Variants in ZNF785 observed in about 807,000 individuals in gnomAD.
The protein encoded by ZNF785 is zinc finger protein 785.
ZNF785 carries 15 observed loss-of-function variants against 11.3 expected under a neutral mutation model. That is an observed-to-expected ratio of 1.32 (90% CI 0.89 to 2.04). The LOEUF (loss-of-function observed/expected upper bound fraction) is 2.04. Among genes scored for constraint, ZNF785 ranks in the 30% most tolerant of loss-of-function variants. The probability of loss-of-function intolerance (pLI) is 0.00; values close to 1 mark genes in which losing one functional copy is unlikely to be tolerated. For synonymous variants in ZNF785, 221 were observed against 231.0 expected (o/e 0.96, Z 0.39); for missense variants, 572 against 560.9 (o/e 1.02, Z -0.20).
rs748653060 is a variant in ZNF785 at position 30,585,296 on chromosome 16, G to C, written c.206-46C>G. 6.2e-7 allele frequency: 1 copy of C among 1,605,998 alleles called. No homozygotes were observed. Among genetic ancestry groups the C allele is most frequent in the Non-Finnish European group, 8.5e-7 (1 of 1,176,416 alleles). On this transcript the variant is annotated intron_variant, in intron 1 of 2. Coordinates refer to ENST00000395216, the MANE Select transcript of ZNF785 (RefSeq NM_152458.7). This position sits in a 1 kb window ranked among gnomAD's most constrained non-coding sequence, Gnocchi z 4.0. ...GCTCGGCTGAGCGCACGGGAGGGGA[G>C]AATGAGACTGCTCCCTCGGCGCCCC...
Position 30,585,035 on chromosome 16 carries a change from T to C in ZNF785, c.334+87A>G. ...GGGTGCAGGGAGACAGGATGGGACT[T>C]TGGAGGGGGCAGCCTGCGCTGAGGA... On this transcript the variant is annotated intron_variant, in intron 2 of 2. Coordinates refer to ENST00000395216, the MANE Select transcript of ZNF785 (RefSeq NM_152458.7). The surrounding 1 kb of genome is among the most constrained non-coding windows in gnomAD (Gnocchi z 4.0). The C allele has an allele frequency of 3.3e-6, 5 of 1,511,840 alleles. No homozygotes were observed. Among genetic ancestry groups the C allele is most frequent in the Non-Finnish European group, 4.4e-6 (5 of 1,124,294 alleles). 93.7% of individuals were successfully genotyped at this position (1,511,840 alleles called of 1,614,324 possible). A position where few individuals can be genotyped will look rare whatever the true frequency, so the allele number is the denominator to read the frequency against.
rs375691538 is a variant in ZNF785, at chr16:30,585,300, G to A, written c.206-50C>T. Reference sequence around the variant, plus strand: ...GGCTGAGCGCACGGGAGGGGAGAATGAGACTGCTCCCTCGGCGCCCCGCTT... The same window carrying A: ...GGCTGAGCGCACGGGAGGGGAGAATAAGACTGCTCCCTCGGCGCCCCGCTT... On this transcript the variant is annotated intron_variant, in intron 1 of 2. Coordinates refer to ENST00000395216, the MANE Select transcript of ZNF785 (RefSeq NM_152458.7). The surrounding 1 kb of genome is among the most constrained non-coding windows in gnomAD (Gnocchi z 4.0). 4 of 1,603,610 alleles carry A rather than the reference G, an allele frequency of 2.5e-6. No homozygotes were observed. The highest frequency in any genetic ancestry group is 3.4e-6 in the Non-Finnish European group (4 of 1,175,086).
At position 30,582,863 on chromosome 16, in the gene ZNF785, T is replaced by C. The variant is rs1353521434; in HGVS notation, c.915A>G (p.Ile305Met). ...AGGGGTAGGGCTTCTCGCCGGTGTG[T>C]ATGCGCCTGTGGATGGCCAGCAGGG... ...YTSLLAIHRR[I>M]HTGEKPYPCP... The change falls in exon 3 of 3, where the codon ATA becomes ATG. Residue 305 changes from isoleucine (I) to methionine (M), a missense_variant. Physicochemically the swap from Ile to Met is conservative, Grantham distance 10 (BLOSUM62 1). Transcript: ENST00000395216. 1 of 1,575,748 alleles carries C rather than the reference T, an allele frequency of 6.3e-7. No homozygotes were observed. Among genetic ancestry groups the C allele is most frequent in the Non-Finnish European group, 8.6e-7 (1 of 1,166,802 alleles).
chr16:30,580,504 G>A (rs904131244), downstream of ZNF785, among the ~76,000 whole-genome samples: 1 of 151,790 alleles, frequency 6.6e-6, no homozygotes, highest in Non-Finnish European at 1.5e-5. Context: ...ACAGGCACCT[G>A]CCACCACTCC....
chr16:30,585,067 TG>T lies in ZNF785; in HGVS notation c.334+54del. 6.4e-7 allele frequency: 1 copy of T among 1,563,090 alleles called. No homozygotes were observed. Among genetic ancestry groups the T allele is most frequent in the Non-Finnish European group, 8.7e-7 (1 of 1,151,188 alleles). ...GGGCAGCCTGCGCTGAGGATGTGAG[TG>T]AGTTGGGGGCGGGGGTTGGGGCTTC... is the stretch of plus-strand genomic sequence containing the variant. On this transcript the variant is annotated intron_variant, in intron 2 of 2. Transcript: ENST00000395216. This position sits in a 1 kb window ranked among gnomAD's most constrained non-coding sequence, Gnocchi z 4.0.
At position 30,582,672 on chromosome 16, in the gene ZNF785, C is replaced by G; in HGVS notation, c.1106G>C (p.Arg369Pro). The change falls in exon 3 of 3, where the codon CGC (arginine) becomes CCC (proline). Residue 369 changes from arginine to proline, a missense_variant. Coordinates refer to ENST00000395216, the MANE Select transcript of ZNF785 (RefSeq NM_152458.7). ...RWIHRSCSER[R>P]AWQQAVVGRS... ...CCCCACCACGGCCTGCTGCCACGCG[C>G]GCCTCTCGCTGCAGGAGCGGTGGAT... 2 of 1,614,174 alleles carry G rather than the reference C, an allele frequency of 1.2e-6. No individual in the cohort carries two copies. The highest frequency in any genetic ancestry group is 1.1e-5 in the South Asian group (1 of 91,086).
Position 30,583,219 on chromosome 16 carries a change from G to C in ZNF785, c.559C>G (p.Leu187Val). The change falls in exon 3 of 3, where the codon CTG becomes GTG. Residue 187 changes from leucine (L) to valine (V), a missense_variant. Coordinates refer to ENST00000395216, the MANE Select transcript of ZNF785 (RefSeq NM_152458.7). ...CGRNFSYPSL[L>V]ASHQRVHSGE... ...GAGTGGACCCGCTGGTGGCTGGCCA[G>C]GAGGGAAGGGTAGCTGAAGTTGCGG... 1 of 1,614,036 alleles carries C rather than the reference G, an allele frequency of 6.2e-7. No individual in the cohort carries two copies. The highest frequency in any genetic ancestry group is 8.5e-7 in the Non-Finnish European group (1 of 1,179,952).
chr16:30,578,469 A>G (rs1375813287), downstream of ZNF785: 1 of 152,248 alleles, frequency 6.6e-6, no homozygotes, highest in Admixed American at 6.5e-5. Context: ...CTGGGCTTCA[A>G]TCGACTTTAC....
downstream of ZNF785, chr16:30,579,843 C>A (rs1432405808): frequency 2.2e-6 from 1 of 455,888 alleles, no homozygotes; most frequent in East Asian, 6.9e-5. Flanking sequence ...GTAGGGCTAG[C>A]AGATCTAAAT....
chr16:30,585,556 C>CG lies in ZNF785; in HGVS notation c.55dup (p.Arg19ProfsTer80). The CG allele has an allele frequency of 6.4e-7, 1 of 1,559,184 alleles. No individual in the cohort carries two copies. Among genetic ancestry groups the CG allele is most frequent in the Non-Finnish European group, 8.7e-7 (1 of 1,154,344 alleles). On this transcript the variant is annotated frameshift_variant, in exon 1 of 3. Coordinates refer to ENST00000395216, the MANE Select transcript of ZNF785 (RefSeq NM_152458.7). LOFTEE classifies it high-confidence loss of function. The surrounding 1 kb of genome is among the most constrained non-coding windows in gnomAD (Gnocchi z 4.0). ...GCCCGGCCTGCTTTCCCTCGTCCTC[C>CG]GGGGCCCGGCCTCCCCGGGTACGTG...
Position 30,585,076 on chromosome 16 carries a change from G to A in ZNF785, c.334+46C>T. On this transcript the variant is annotated intron_variant, in intron 2 of 2. Transcript: ENST00000395216. This position sits in a 1 kb window ranked among gnomAD's most constrained non-coding sequence, Gnocchi z 4.0. ...GCGCTGAGGATGTGAGTGAGTTGGGGGCGGGGGTTGGGGCTTCTCCACGGC... is the reference window on the plus strand; with the variant it reads ...GCGCTGAGGATGTGAGTGAGTTGGGAGCGGGGGTTGGGGCTTCTCCACGGC... The A allele has an allele frequency of 6.3e-7, 1 of 1,576,902 alleles. No homozygotes were observed. Among genetic ancestry groups the A allele is most frequent in the Non-Finnish European group, 8.6e-7 (1 of 1,157,358 alleles).
rs1165962094 is a variant in ZNF785 at position 30,585,418 on chromosome 16, A to T, written c.194T>A (p.Leu65Gln). The T allele has an allele frequency of 2.5e-6, 4 of 1,590,778 alleles. No homozygotes were observed. The highest frequency in any genetic ancestry group is 2.3e-5 in the East Asian group (1 of 43,780). The change falls in exon 1 of 3, where the codon CTG (leucine) becomes CAG (glutamine). Residue 65 changes from leucine to glutamine, a missense_variant. Coordinates refer to ENST00000395216, the MANE Select transcript of ZNF785 (RefSeq NM_152458.7). The surrounding 1 kb of genome is among the most constrained non-coding windows in gnomAD (Gnocchi z 4.0). ...RDVMRETFGH[L>Q]GALGFSVPKP... ...GGGCCCGGCCTCACCCAGCGCGCCC[A>T]GGTGGCCGAAGGTCTCCCGCATCAC... is the stretch of plus-strand genomic sequence containing the variant.
At position 30,582,686 on chromosome 16, in the gene ZNF785, G is replaced by C. The variant is rs765291082; in HGVS notation, c.1092C>G (p.Ser364=). 2.5e-6 allele frequency: 4 copies of C among 1,614,070 alleles called. No homozygotes were observed. The highest frequency in any genetic ancestry group is 3.4e-6 in the Non-Finnish European group (4 of 1,179,992). ...ALEAHRWIHR[S]CSERRAWQQA... is the part of the protein sequence containing the mutation. ...GCTGCCACGCGCGCCTCTCGCTGCA[G>C]GAGCGGTGGATCCACCGATGGGCTT... The change falls in exon 3 of 3, where the codon TCC becomes TCG. Residue 364 remains serine (S), a synonymous_variant. Transcript: ENST00000395216.
chr16:30,582,561 C>A lies in ZNF785; in HGVS notation c.1217G>T (p.Ter406LeuextTer39). 1 of 1,613,826 alleles carries A rather than the reference C, an allele frequency of 6.2e-7. No homozygotes were observed. Among genetic ancestry groups the A allele is most frequent in the South Asian group, 1.1e-5 (1 of 91,056 alleles). Residue 406 changes from the stop codon to leucine, a stop_lost, in exon 3 of 3, where the codon TGA becomes TTA. Coordinates refer to ENST00000395216, the MANE Select transcript of ZNF785 (RefSeq NM_152458.7). ...GCTGACCAGTTTGTGTGAACGCCAT[C>A]ACCCACACTCTTGAAATATATCTGG... The part of the protein sequence containing the change: ...HFPDIFQECG[*>L]
intron 2 of ZNF785, among the ~76,000 whole-genome samples, chr16:30,584,478 C>T (rs1246749605): frequency 6.6e-6 from 1 of 152,002 alleles, no homozygotes; most frequent in Non-Finnish European, 1.5e-5. Context: ...GGTGAAAGCC[C>T]GTCTCTACTA....
Position 30,585,147 on chromosome 16 carries a change from G to A in ZNF785, c.309C>T (p.Phe103=). The change falls in exon 2 of 3, where the codon TTC becomes TTT. Residue 103 remains phenylalanine, a synonymous_variant. Coordinates refer to ENST00000395216, the MANE Select transcript of ZNF785 (RefSeq NM_152458.7). The surrounding 1 kb of genome is among the most constrained non-coding windows in gnomAD (Gnocchi z 4.0). ...CTGCTTCCTGTCCTTGGCCCCTGCT[G>A]AAAGCTGCAGAGCTCTCACCGTCGG... ...QDPDGESSAA[F]SRGQGQEAGS... The A allele has an allele frequency of 6.2e-7, 1 of 1,613,468 alleles. No homozygotes were observed. The highest frequency in any genetic ancestry group is 8.5e-7 in the Non-Finnish European group (1 of 1,179,532).
chr16:30,579,401 G>C (rs2051777988), downstream of ZNF785: 1 of 166,218 alleles, frequency 6.0e-6, no homozygotes, highest in South Asian at 1.5e-4. Flanking sequence ...ATCTGTTTTT[G>C]TTTTGAGACA....
chr16:30,582,689 G>A lies in ZNF785; in HGVS notation c.1089C>T (p.Arg363=), dbSNP rs2051828832. 1 of 1,614,074 alleles carries A rather than the reference G, an allele frequency of 6.2e-7. No homozygotes were observed. The highest frequency in any genetic ancestry group is 8.5e-7 in the Non-Finnish European group (1 of 1,179,994). The part of the protein sequence containing the change: ...TALEAHRWIH[R]SCSERRAWQQ... ...GCCACGCGCGCCTCTCGCTGCAGGA[G>A]CGGTGGATCCACCGATGGGCTTCCA... The change falls in exon 3 of 3, where the codon CGC becomes CGT. Residue 363 remains arginine (R), a synonymous_variant. Transcript: ENST00000395216.
chr16:30,585,267 A>T lies in ZNF785; in HGVS notation c.206-17T>A. 1.2e-6 allele frequency: 2 copies of T among 1,613,244 alleles called. No homozygotes were observed. Among genetic ancestry groups the T allele is most frequent in the Non-Finnish European group, 1.7e-6 (2 of 1,179,720 alleles). ...CTGAAAATCCTGCGAAGGAGAAACA[A>T]TGGGCTCGGCTGAGCGCACGGGAGG... On this transcript the variant is annotated splice_polypyrimidine_tract_variant and intron_variant, in intron 1 of 2. Transcript: ENST00000395216. This position sits in a 1 kb window ranked among gnomAD's most constrained non-coding sequence, Gnocchi z 4.0.
Sources: gnomAD v4.1 joint callset for allele counts (sites outside exome capture counted in the v4.1 genomes callset) on GRCh38, gnomAD v4.1.1 for gene constraint, Gnocchi (gnomAD v3.1) non-coding constraint, MANE v1.5 for transcripts, NCBI Gene and HGNC (gene_info 2026-07-23, HGNC 2026-07-21) for gene names.